Variants in GNAL observed in about 807,000 individuals in gnomAD.
GNAL encodes G protein subunit alpha L.
In GNAL, 18 loss-of-function variants were observed where a neutral mutation model predicts 55.1. That is an observed-to-expected ratio of 0.33 (90% CI 0.23 to 0.48). GNAL has a LOEUF of 0.48. GNAL is among the 20% of genes least tolerant of loss of function. GNAL has a pLI of 0.99. For missense variants in GNAL, 412 were observed against 614.1 expected (o/e 0.67, Z 3.48); for synonymous variants, 253 against 237.0 (o/e 1.07, Z -0.62).
chr18:11,721,535 C>T (rs1384355054), intron 1 of GNAL, among the ~76,000 whole-genome samples: 6 of 151,544 alleles, frequency 4.0e-5, no homozygotes. Context: ...GTGGGCAGAT[C>T]ACCTGAGGTC....
chr18:11,779,998 T>C (rs1397487238), intron 4 of GNAL, among the ~76,000 whole-genome samples: 2 of 152,246 alleles, frequency 1.3e-5, no homozygotes, highest in Non-Finnish European at 2.9e-5. Flanking sequence ...CATTTGCTGT[T>C]GATTGTGGCA....
At chr18:11,793,887 G>GT (rs1376872404) in intron 4 of GNAL, among the ~76,000 whole-genome samples, 1 of 150,250 alleles carries the variant, frequency 6.7e-6, no homozygotes, top group African/African-American at 2.5e-5. Flanking sequence ...ACTCCAGCCT[G>GT]GCGACAGTGA....
intron 4 of GNAL, among the ~76,000 whole-genome samples, chr18:11,806,480 T>C (rs527562518): frequency 6.6e-6 from 1 of 152,332 alleles, no homozygotes; most frequent in South Asian, 2.1e-4. Context: ...TTTCAAGTCT[T>C]ACAATTAAGC....
At chr18:11,825,895 A>G (rs933316724) in intron 5 of GNAL, among the ~76,000 whole-genome samples, 22 of 152,304 alleles carry the variant, frequency 1.4e-4, no homozygotes, top group African/African-American at 5.3e-4. Context: ...AAGAAGTTCT[A>G]GATATGTTTG....
chr18:11,811,575 C>G (rs1421339227), intron 4 of GNAL: 1 of 152,200 alleles, frequency 6.6e-6, no homozygotes, highest in Non-Finnish European at 1.5e-5. Flanking sequence ...AATCTATGCT[C>G]AAATTGCCAT....
At chr18:11,725,395 T>C (rs11872607) in intron 1 of GNAL, among the ~76,000 whole-genome samples, 4,528 of 152,278 alleles carry the variant, frequency 0.03, 207 homozygotes, top group African/African-American at 0.097. Context: ...CTAACTCTGC[T>C]GACACCCTGG....
intron 4 of GNAL, among the ~76,000 whole-genome samples, chr18:11,774,953 G>T (rs138473848): frequency 2.6e-5 from 4 of 152,294 alleles, no homozygotes; most frequent in African/African-American, 9.6e-5. Context: ...TCTGGAGATG[G>T]GCAGGGCTCA....
At chr18:11,794,439 A>G (rs1160206395) in intron 4 of GNAL, among the ~76,000 whole-genome samples, 1 of 152,244 alleles carries the variant, frequency 6.6e-6, no homozygotes, top group Non-Finnish European at 1.5e-5. Context: ...AGCATGGATG[A>G]ACCTTGAAAA....
At chr18:11,843,171 G>A (rs113417739) in intron 5 of GNAL, among the ~76,000 whole-genome samples, 33 of 150,982 alleles carry the variant, frequency 2.2e-4, no homozygotes, top group African/African-American at 5.6e-4. Flanking sequence ...TACTGCAGCT[G>A]AACAACAAAG....
chr18:11,859,929 G>T (rs111316553), intron 5 of GNAL, among the ~76,000 whole-genome samples: 2 of 151,632 alleles, frequency 1.3e-5, no homozygotes, highest in African/African-American at 2.4e-5. Context: ...TGTAGTTTTC[G>T]TAGAGACAGG....
chr18:11,698,417 G>A (rs953870224), intron 1 of GNAL, among the ~76,000 whole-genome samples: 2 of 151,538 alleles, frequency 1.3e-5, no homozygotes, highest in African/African-American at 4.9e-5. Flanking sequence ...CTTGAACCCA[G>A]GAGGCAGAGG....
intron 5 of GNAL, among the ~76,000 whole-genome samples, chr18:11,843,183 A>G (rs1008424559): frequency 6.6e-6 from 1 of 151,848 alleles, no homozygotes; most frequent in African/African-American, 2.4e-5. Context: ...ACAACAAAGC[A>G]AGACCCTGTC....
chr18:11,771,229 A>AC (rs1401592069), intron 4 of GNAL, among the ~76,000 whole-genome samples: 13 of 151,890 alleles, frequency 8.6e-5, no homozygotes, highest in Admixed American at 8.5e-4. Context: ...AAAAAAAAAA[A>AC]AAGAAAAAAA....
intron 1 of GNAL, among the ~76,000 whole-genome samples, chr18:11,693,272 T>C (rs2031309777): frequency 6.6e-6 from 1 of 152,038 alleles, no homozygotes; most frequent in African/African-American, 2.4e-5. Flanking sequence ...CTCTAAAGAG[T>C]CAGCTTCTTG....
chr18:11,823,443 A>G (rs576315035), intron 4 of GNAL, among the ~76,000 whole-genome samples: 49 of 152,316 alleles, frequency 3.2e-4, no homozygotes, highest in African/African-American at 1.2e-3. Context: ...TGATACTGTG[A>G]AATCAGAATT....
intron 4 of GNAL, among the ~76,000 whole-genome samples, chr18:11,819,969 AAGTT>A (rs933514317): frequency 2.6e-5 from 4 of 152,140 alleles, no homozygotes; most frequent in South Asian, 2.1e-4. Context: ...ATAAAAAAAA[AAGTT>A]AGAGTTGGGA....
chr18:11,880,611 T>A (rs1040556077), intron 11 of GNAL, among the ~76,000 whole-genome samples: 1 of 152,116 alleles, frequency 6.6e-6, no homozygotes, highest in Admixed American at 6.6e-5. Flanking sequence ...TAAAATTAGC[T>A]AATTAGAAAT....
At chr18:11,690,490 G>C (rs1008203581) in intron 1 of GNAL, among the ~76,000 whole-genome samples, 20 of 151,866 alleles carry the variant, frequency 1.3e-4, no homozygotes, top group African/African-American at 4.8e-4. Context: ...TTAAGTTTTA[G>C]GGTACATGTG....
At chr18:11,723,517 G>A (rs11873874) in intron 1 of GNAL, among the ~76,000 whole-genome samples, 1,981 of 152,292 alleles carry the variant, frequency 0.013, 39 homozygotes, top group African/African-American at 0.045. Flanking sequence ...TATCAAGAAC[G>A]ATAACTACCC....
Sources: allele counts gnomAD v4.1 joint callset (sites outside exome capture counted in the v4.1 genomes callset), GRCh38; gene constraint gnomAD v4.1.1; transcripts MANE v1.5; gene names NCBI Gene and HGNC (gene_info 2026-07-23, HGNC 2026-07-21).